Variants in HROB observed in about 807,000 individuals in gnomAD.
The protein encoded by HROB is homologous recombination factor with OB-fold, also known as homologous recombination OB-fold protein.
In HROB, 44 loss-of-function variants were observed where a neutral mutation model predicts 61.0. The observed-to-expected ratio is 0.72, with a 90% CI of 0.57 to 0.93. The LOEUF is 0.93. Ranked by LOEUF, HROB falls within the 40% of genes least tolerant of loss-of-function variation. HROB has a pLI of 0.00. For missense variants in HROB, 716 were observed against 796.2 expected (o/e 0.90, Z 1.21); for synonymous variants, 301 against 310.4 (o/e 0.97, Z 0.32).
chr17:44,145,741 T>A (rs1208023152), intron 2 of HROB, among the ~76,000 whole-genome samples: 1 of 152,206 alleles, frequency 6.6e-6, no homozygotes. Context: ...CTCTGTCTAA[T>A]CACAAGATGA....
At chr17:44,144,094 T>C (rs1353827866) in intron 1 of HROB, among the ~76,000 whole-genome samples, 1 of 150,270 alleles carries the variant, frequency 6.7e-6, no homozygotes, top group Non-Finnish European at 1.5e-5. Context: ...TCTCCTGCCT[T>C]AGCCTTCCAA....
Position 44,162,197 on chromosome 17 carries a change from T to C in HROB, c.*265T>C. ...ACAAGAAAGGCCTGTCACCCTCGCC[T>C]TGGGTGTCCCTCTCCTGCCTCAGCT... is the stretch of plus-strand genomic sequence containing the variant. On this transcript the variant is annotated 3_prime_UTR_variant, in exon 10 of 10. Coordinates refer to ENST00000585683, the MANE Select transcript of HROB (RefSeq NM_001171251.3). 2.2e-6 allele frequency: 1 copy of C among 447,370 alleles called. No homozygotes were observed. Among genetic ancestry groups the C allele is most frequent in the South Asian group, 2.8e-5 (1 of 35,572 alleles). 27.7% of individuals were successfully genotyped at this position (447,370 alleles called of 1,614,324 possible).
intron 4 of HROB, among the ~76,000 whole-genome samples, chr17:44,152,170 A>G (rs1021063623): frequency 1.3e-5 from 2 of 151,448 alleles, no homozygotes; most frequent in Non-Finnish European, 2.9e-5. Context: ...AGTAGAGACG[A>G]GGTTTCACCA....
Position 44,148,388 on chromosome 17 carries a change from A to T in HROB, c.585A>T (p.Val195=), listed in dbSNP as rs772683739. 1.2e-6 allele frequency: 2 copies of T among 1,614,094 alleles called. No individual in the cohort carries two copies. The highest frequency in any genetic ancestry group is 1.7e-6 in the Non-Finnish European group (2 of 1,179,986). ...ILPAQQREGS[V]LAKKARVVDL... is the part of the protein sequence containing the mutation. ...CTGCCCAGCAGCGGGAGGGTTCAGT[A>T]TTGGCTAAAAAAGCCCGGGTAGTTG... is the stretch of plus-strand genomic sequence containing the variant. Residue 195 remains valine (V), a synonymous_variant, in exon 3 of 10, where the codon GTA becomes GTT. Transcript: ENST00000585683.
At chr17:44,155,492 C>T in intron 8 of HROB, 81 bp downstream of exon 8, 1 of 1,569,194 alleles carries the variant, frequency 6.4e-7, no homozygotes, top group Non-Finnish European at 8.6e-7. Context: ...CTCTTCCACC[C>T]TGGGGAGCAG....
chr17:44,160,670 G>T (rs541396765), intron 9 of HROB, among the ~76,000 whole-genome samples: 23 of 152,266 alleles, frequency 1.5e-4, no homozygotes, highest in African/African-American at 5.5e-4. Context: ...TGTGCCTTCA[G>T]TCTCTTGCCC....
Position 44,154,586 on chromosome 17 carries a change from G to T in HROB, c.1480G>T (p.Val494Phe). ...CCTGAAGCAGCTTCCTAGGAACAAG[G>T]TCCCCAACATGGCGGTGATGATCAA... ...AALKQLPRNK[V>F]PNMAVMIKSL... Residue 494 changes from valine (V) to phenylalanine (F), a missense_variant, in exon 6 of 10, where the codon GTC (valine) becomes TTC (phenylalanine). Coordinates refer to ENST00000585683, the MANE Select transcript of HROB (RefSeq NM_001171251.3). 1 of 1,614,112 alleles carries T rather than the reference G, an allele frequency of 6.2e-7. No individual in the cohort carries two copies. Among genetic ancestry groups the T allele is most frequent in the South Asian group, 1.1e-5 (1 of 91,078 alleles).
intron 7 of HROB, 88 bp downstream of exon 7, chr17:44,155,026 A>T: frequency 6.8e-7 from 1 of 1,464,882 alleles, no homozygotes; most frequent in Non-Finnish European, 9.3e-7. Flanking sequence ...TTCCTCTACA[A>T]CACCAGGCAC....
chr17:44,144,332 G>A (rs1249455999), intron 1 of HROB, among the ~76,000 whole-genome samples: 2 of 152,018 alleles, frequency 1.3e-5, no homozygotes, highest in African/African-American at 4.8e-5. Context: ...GTAGAGACAG[G>A]GTTTCAATAT....
At chr17:44,154,031 A>C (rs1396046813) in intron 5 of HROB, among the ~76,000 whole-genome samples, 1 of 151,646 alleles carries the variant, frequency 6.6e-6, no homozygotes. Context: ...TGGGCGACAG[A>C]GCGAGACTCC....
chr17:44,142,623 G>A (rs1343091101), intron 1 of HROB, among the ~76,000 whole-genome samples: 1 of 151,650 alleles, frequency 6.6e-6, no homozygotes, highest in Non-Finnish European at 1.5e-5. Flanking sequence ...TAGCTCCTGC[G>A]GCTCTGGCAT....
chr17:44,158,610 G>A (rs201924725), intron 9 of HROB, among the ~76,000 whole-genome samples: 1 of 151,500 alleles, frequency 6.6e-6, no homozygotes, highest in East Asian at 1.9e-4. Context: ...AGCCTCCCGA[G>A]TAGCTGGGAC....
In HROB at chr17:44,148,801, G is replaced by A; in HGVS notation, c.998G>A (p.Gly333Glu). 2.5e-6 allele frequency: 4 copies of A among 1,614,164 alleles called. No homozygotes were observed. The highest frequency in any genetic ancestry group is 1.7e-6 in the Non-Finnish European group (2 of 1,180,036). Residue 333 changes from glycine (G) to glutamate (E), a missense_variant, in exon 3 of 10, where the codon GGA becomes GAA. Physicochemically the swap from Gly to Glu is moderately conservative, Grantham distance 98 (BLOSUM62 -2). Transcript: ENST00000585683. ...TCTACTCCCTCAAGGACTAGCTCTG[G>A]ATTATTTCCTCGGATACCCTTACAA... ...SCSTPSRTSS[G>E]LFPRIPLQPQ...
Position 44,145,066 on chromosome 17 carries a change from C to A in HROB, c.4-137C>A, listed in dbSNP as rs1389104365. On this transcript the variant is annotated intron_variant, in intron 1 of 9. Transcript: ENST00000585683. Reference sequence around the variant, plus strand: ...ATCCCATTTCTTCTCATTCCTTAGTCCTTTCCCAGCCGTAGCAAAAACAAA... The same window carrying A: ...ATCCCATTTCTTCTCATTCCTTAGTACTTTCCCAGCCGTAGCAAAAACAAA... The A allele has an allele frequency of 4.3e-6, 4 of 929,536 alleles. No homozygotes were observed. In the African/African-American group the frequency reaches 6.6e-5, roughly 15 times the overall value. 57.6% of individuals were successfully genotyped at this position (929,536 alleles called of 1,614,324 possible). A position where few individuals can be genotyped will look rare whatever the true frequency, so the allele number is the denominator to read the frequency against.
intron 4 of HROB, 120 bp from the exon 5 acceptor site, chr17:44,152,517 A>C (rs2053845033): frequency 8.9e-7 from 1 of 1,125,250 alleles, no homozygotes; most frequent in Non-Finnish European, 1.3e-6. Context: ...TGGCCATTGT[A>C]CTACAGTTTT....
At chr17:44,160,345 A>G (rs940592963) in intron 9 of HROB, among the ~76,000 whole-genome samples, 2 of 152,194 alleles carry the variant, frequency 1.3e-5, no homozygotes, top group African/African-American at 4.8e-5. Context: ...AGGTGGGCGG[A>G]TCACGAGGTC....
intron 7 of HROB, 134 bp from the exon 8 acceptor site, chr17:44,155,152 T>A: frequency 1.4e-6 from 2 of 1,406,856 alleles, no homozygotes; most frequent in Non-Finnish European, 1.9e-6. Context: ...AAGGGGAGAT[T>A]GTGGCAAATG....
chr17:44,145,363 GTA>G, intron 2 of HROB, 110 bp downstream of exon 2: 1 of 1,316,318 alleles, frequency 7.6e-7, no homozygotes, highest in East Asian at 2.3e-5. Flanking sequence ...GTTGACATGT[GTA>G]TGTTTTTGCC....
In HROB at chr17:44,142,163, T is replaced by C. The variant is rs772313790; in HGVS notation, c.3+18T>C. The C allele has an allele frequency of 5.9e-6, 9 of 1,516,000 alleles. No homozygotes were observed. In the South Asian group the frequency reaches 6.0e-5, roughly 10 times the overall value. 93.9% of individuals were successfully genotyped at this position (1,516,000 alleles called of 1,614,324 possible). On this transcript the variant is annotated intron_variant, in intron 1 of 9. Transcript: ENST00000585683. ...TCGCTATGGTAATGCCGCGCCCAGC[T>C]TGGGGGCTGGCGGGCCGCAGGGCCC...
Sources: gnomAD v4.1 joint callset for allele counts (sites outside exome capture counted in the v4.1 genomes callset) on GRCh38, gnomAD v4.1.1 for gene constraint, MANE v1.5 for transcripts, NCBI Gene and HGNC (gene_info 2026-07-23, HGNC 2026-07-21) for gene names.